SCAPER: variants seen among roughly 807,000 people sequenced by gnomAD.
SCAPER encodes S-phase cyclin A associated protein in the ER.
A neutral mutation model predicts 182.2 loss-of-function variants in SCAPER; 98 were observed. The observed-to-expected ratio is 0.54, with a 90% CI of 0.46 to 0.64. SCAPER has a LOEUF of 0.64. Ranked by LOEUF, SCAPER falls within the 30% of genes least tolerant of loss-of-function variation. The pLI is 0.00. For missense variants in SCAPER, 1,432 were observed against 1,690.0 expected, an observed-to-expected ratio of 0.85 and a Z score of 2.68; for synonymous variants, 605 against 564.6, an observed-to-expected ratio of 1.07 and a Z score of -1.01.
chr15:76,789,059 T>C (rs896894290), intron 8 of SCAPER, among the ~76,000 whole-genome samples: 1 of 152,216 alleles, frequency 6.6e-6, no homozygotes, highest in African/African-American at 2.4e-5. Flanking sequence ...TTGTTTAGTA[T>C]GTATCTTTGT....
At chr15:76,804,710 C>T in intron 5 of SCAPER, 77 bp from the exon 6 acceptor site, 1 of 874,056 alleles carries the variant, frequency 1.1e-6, no homozygotes, top group Non-Finnish European at 1.7e-6. Context: ...GAGTGAACAA[C>T]TTAAGAATTA....
At chr15:76,656,155 T>C (rs1039027124) in intron 21 of SCAPER, among the ~76,000 whole-genome samples, 3 of 152,126 alleles carry the variant, frequency 2.0e-5, no homozygotes, top group African/African-American at 7.2e-5. Context: ...TTGTCTTCAA[T>C]GGACCCATCT....
chr15:76,469,873 C>T (rs182808293), intron 25 of SCAPER, among the ~76,000 whole-genome samples: 1 of 152,164 alleles, frequency 6.6e-6, no homozygotes, highest in Admixed American at 6.5e-5. Flanking sequence ...CCTTGTGCTG[C>T]CTTTCAAATA....
chr15:76,706,431 A>T (rs1292946029), intron 17 of SCAPER, among the ~76,000 whole-genome samples: 2 of 152,222 alleles, frequency 1.3e-5, no homozygotes, highest in Non-Finnish European at 2.9e-5. Flanking sequence ...TTTCAGAAGG[A>T]AACTAATAAG....
chr15:76,587,926 CTTTT>C (rs377318110), intron 22 of SCAPER, among the ~76,000 whole-genome samples: 1 of 144,400 alleles, frequency 6.9e-6, no homozygotes, highest in African/African-American at 2.5e-5. Context: ...TTTTTCTTTT[CTTTT>C]TTTTTTTTTA....
chr15:76,413,770 C>T (rs186817297), intron 26 of SCAPER, among the ~76,000 whole-genome samples: 1 of 152,190 alleles, frequency 6.6e-6, no homozygotes, highest in South Asian at 2.1e-4. Flanking sequence ...CATGCAACAT[C>T]CATCTGGGCC....
At chr15:76,483,763 T>A (rs866727474) in intron 24 of SCAPER, among the ~76,000 whole-genome samples, 29 of 152,288 alleles carry the variant, frequency 1.9e-4, no homozygotes, top group Middle Eastern at 6.8e-3. Flanking sequence ...CAATGCTACA[T>A]GTCATTGAAG....
intron 25 of SCAPER, among the ~76,000 whole-genome samples, chr15:76,453,045 G>A (rs1200781382): frequency 6.6e-6 from 1 of 152,112 alleles, no homozygotes; most frequent in Non-Finnish European, 1.5e-5. Context: ...TGTTGCCCAG[G>A]CTGGTTTCAA....
At chr15:76,782,670 C>A (rs1053655069) in intron 8 of SCAPER, among the ~76,000 whole-genome samples, 1 of 152,024 alleles carries the variant, frequency 6.6e-6, no homozygotes, top group Non-Finnish European at 1.5e-5. Context: ...ATAAAAATCA[C>A]AACAAACTGT....
At chr15:76,804,691 G>GA in intron 5 of SCAPER, 58 bp from the exon 6 acceptor site, 74 of 1,075,504 alleles carry the variant, frequency 6.9e-5, no homozygotes, top group Non-Finnish European at 7.9e-5. Flanking sequence ...AAACTTTGAA[G>GA]AAAAAAAAGA....
chr15:76,857,175 A>AT (rs1568351897), intron 4 of SCAPER, among the ~76,000 whole-genome samples: 1 of 152,122 alleles, frequency 6.6e-6, no homozygotes, highest in Non-Finnish European at 1.5e-5. Flanking sequence ...GTTCATGCCT[A>AT]TAACCCCAGC....
intron 4 of SCAPER, among the ~76,000 whole-genome samples, chr15:76,848,311 GT>G (rs1427761733): frequency 4.7e-5 from 6 of 128,022 alleles, no homozygotes; most frequent in African/African-American, 9.1e-5. Context: ...AAAACATTGT[GT>G]TTTTTTTGGG....
intron 23 of SCAPER, among the ~76,000 whole-genome samples, chr15:76,532,094 C>T (rs917250322): frequency 2.6e-5 from 4 of 151,940 alleles, no homozygotes; most frequent in African/African-American, 7.3e-5. Flanking sequence ...ATCATCTCAA[C>T]GCTTACTGGC....
chr15:76,827,661 T>A (rs1038891732), intron 5 of SCAPER, among the ~76,000 whole-genome samples: 10 of 151,716 alleles, frequency 6.6e-5, no homozygotes, highest in African/African-American at 2.2e-4. Context: ...GGGAAGGAGC[T>A]TGTGAATGGA....
In SCAPER at chr15:76,746,805, A is replaced by G. The variant is rs149338466; in HGVS notation, c.1866+7003T>C. The stretch of plus-strand genomic sequence containing the variant: ...CAAAAGAACACTTACAAATAAATTT[A>G]AACAAAGCAGTGAAATACTTGTATG... On this transcript the variant is annotated intron_variant, in intron 15 of 31. Coordinates refer to ENST00000563290, the MANE Select transcript of SCAPER (RefSeq NM_020843.4). Among the ~76,000 whole-genome samples, 16 of 152,378 alleles carry G rather than the reference A, an allele frequency of 1.1e-4. No individual in the cohort carries two copies. In the East Asian group the frequency reaches 2.3e-3, roughly 22 times the overall value.
At chr15:76,481,798 T>C (rs184746861) in intron 24 of SCAPER, among the ~76,000 whole-genome samples, 7 of 152,364 alleles carry the variant, frequency 4.6e-5, no homozygotes, top group African/African-American at 1.4e-4. Context: ...CCATGGTTAG[T>C]CTTACCTACT....
chr15:76,353,948 C>T lies in SCAPER; in HGVS notation c.4047+1G>A. 6.4e-7 allele frequency: 1 copy of T among 1,559,248 alleles called. No individual in the cohort carries two copies. ...ACAATTACGTATAATGTAGAAGGTA[C>T]CTGAATGAAAGTGGCCAGTAAAACA... On this transcript the variant is annotated splice_donor_variant, in intron 30 of 31. Transcript: ENST00000563290. LOFTEE classifies it high-confidence loss of function.
intron 11 of SCAPER, among the ~76,000 whole-genome samples, chr15:76,766,330 TG>T (rs1181923488): frequency 6.6e-6 from 1 of 152,000 alleles, no homozygotes; most frequent in Non-Finnish European, 1.5e-5. Context: ...CTCCTCACCT[TG>T]TGATCCACCT....
chr15:76,804,979 C>T (rs958251930), intron 5 of SCAPER, among the ~76,000 whole-genome samples: 1 of 152,112 alleles, frequency 6.6e-6, no homozygotes, highest in Non-Finnish European at 1.5e-5. Flanking sequence ...GAGGCTGAGG[C>T]AGGAGAATTG....
Sources: gnomAD v4.1 joint callset for allele counts (sites outside exome capture counted in the v4.1 genomes callset) on GRCh38, gnomAD v4.1.1 for gene constraint, MANE v1.5 for transcripts, NCBI Gene and HGNC (gene_info 2026-07-23, HGNC 2026-07-21) for gene names.